The following SAMMSON variants were observed in gnomAD, a reference collection of about 807,000 sequenced individuals.
SAMMSON encodes survival associated mitochondrial melanoma specific oncogenic non-coding RNA.
At chr3:70,214,013 G>A (rs2106731309) in intron 4 of SAMMSON, among the ~76,000 whole-genome samples, 1 of 152,180 alleles carries the variant, frequency 6.6e-6, no homozygotes, top group Non-Finnish European at 1.5e-5. Flanking sequence ...TTCTTTGAAA[G>A]CTGGGTAATA....
intron 4 of SAMMSON, among the ~76,000 whole-genome samples, chr3:70,073,767 A>G (rs1033901023): frequency 1.3e-5 from 2 of 152,196 alleles, no homozygotes; most frequent in East Asian, 1.9e-4. Context: ...AAAGAGCAGC[A>G]TATTATAAGT....
At chr3:70,264,867 C>T (rs1701901294) in intron 6 of SAMMSON, among the ~76,000 whole-genome samples, 1 of 152,026 alleles carries the variant, frequency 6.6e-6, no homozygotes, top group African/African-American at 2.4e-5. Flanking sequence ...AAAGACATAC[C>T]ATAGACTGGG....
intron 4 of SAMMSON, among the ~76,000 whole-genome samples, chr3:70,090,103 G>C (rs1223283765): frequency 6.6e-6 from 1 of 152,078 alleles, no homozygotes; most frequent in African/African-American, 2.4e-5. Context: ...ATGTAAAAAG[G>C]TAAAGGGAGG....
chr3:70,246,008 C>T (rs190307163), intron 4 of SAMMSON, among the ~76,000 whole-genome samples: 1 of 151,194 alleles, frequency 6.6e-6, no homozygotes, highest in African/African-American at 2.4e-5. Context: ...ATTTATATAA[C>T]AATAACTTGC....
chr3:70,058,451 G>T (rs2067175683), intron 3 of SAMMSON, among the ~76,000 whole-genome samples: 1 of 151,962 alleles, frequency 6.6e-6, no homozygotes, highest in Non-Finnish European at 1.5e-5. Flanking sequence ...ATTCAAAGGG[G>T]TTTCATGAAG....
At chr3:70,015,089 G>A (rs1465961561) in intron 3 of SAMMSON, 1 of 152,156 alleles carries the variant, frequency 6.6e-6, no homozygotes, top group Admixed American at 6.5e-5. Flanking sequence ...GACCATCTTG[G>A]CCAACACGGT....
rs144699994 is a variant in SAMMSON, at chr3:70,214,399, G to C, written n.508-34708G>C. Among the ~76,000 whole-genome samples, 1,424 of 152,148 alleles carry C rather than the reference G, an allele frequency of 9.4e-3. 20 individuals carry two copies. Among genetic ancestry groups the C allele is most frequent in the African/African-American group, 0.032 (1,345 of 41,524 alleles). On this transcript the variant is annotated intron_variant and non_coding_transcript_variant, in intron 4 of 9. Transcript: ENST00000642114. ...GGGCTACGACAAGAGGACATTTTAA[G>C]CCTTTTCAATCAGGCTTGGTAAATC...
intron 7 of SAMMSON, among the ~76,000 whole-genome samples, chr3:70,351,855 G>A (rs1257201601): frequency 6.6e-6 from 1 of 151,950 alleles, no homozygotes; most frequent in African/African-American, 2.4e-5. Flanking sequence ...AACAGCAAAG[G>A]CCCCTTGGGG....
Position 70,420,414 on chromosome 3 carries a change from G to A in SAMMSON, n.234-42146G>A, listed in dbSNP as rs568254220. 2.6e-5 allele frequency among the ~76,000 whole-genome samples: 4 copies of A among 152,246 alleles called. No individual in the cohort carries two copies. In the East Asian group the frequency reaches 7.7e-4, roughly 29 times the overall value. On this transcript the variant is annotated intron_variant and non_coding_transcript_variant, in intron 2 of 3. Transcript: ENST00000641053. ...ATATGATTCTGCTCTGAATAAAATG[G>A]GGAAAGTGACTGTCTCATAGTGTCT...
At chr3:70,402,295 T>C (rs1701146871) in intron 2 of SAMMSON, among the ~76,000 whole-genome samples, 1 of 152,168 alleles carries the variant, frequency 6.6e-6, no homozygotes, top group Admixed American at 6.6e-5. Flanking sequence ...CTTCCATAAA[T>C]TGAGTGGTTC....
chr3:70,389,110 T>C (rs1048439742), intron 9 of SAMMSON, among the ~76,000 whole-genome samples: 3 of 152,062 alleles, frequency 2.0e-5, no homozygotes, highest in Admixed American at 2.0e-4. Flanking sequence ...TTCTGTTTCT[T>C]CCATGAGTTG....
intron 3 of SAMMSON, among the ~76,000 whole-genome samples, chr3:70,040,534 C>G (rs1420932382): frequency 6.6e-6 from 1 of 152,132 alleles, no homozygotes; most frequent in African/African-American, 2.4e-5. Flanking sequence ...ATTCTAGAAG[C>G]TTTGTGACTT....
intron 4 of SAMMSON, among the ~76,000 whole-genome samples, chr3:70,225,699 C>G (rs1701497926): frequency 6.6e-6 from 1 of 152,264 alleles, no homozygotes; most frequent in South Asian, 2.1e-4. Context: ...TTCTTGAACA[C>G]CCCCAAAATG....
At chr3:70,045,043 A>C in intron 3 of SAMMSON, among the ~76,000 whole-genome samples, 1 of 121,926 alleles carries the variant, frequency 8.2e-6, no homozygotes, top group Non-Finnish European at 1.6e-5. Context: ...ATTATAATTA[A>C]TATATATAAT....
intron 6 of SAMMSON, among the ~76,000 whole-genome samples, chr3:70,267,575 T>A (rs866508922): frequency 2.3e-5 from 2 of 88,616 alleles, no homozygotes; most frequent in Non-Finnish European, 4.6e-5. Context: ...GCTAATTTTT[T>A]GTATTTTTTT....
chr3:70,147,336 A>G (rs1416524703), intron 4 of SAMMSON, among the ~76,000 whole-genome samples: 1 of 152,034 alleles, frequency 6.6e-6, no homozygotes, highest in Non-Finnish European at 1.5e-5. Context: ...TTTTTATGAA[A>G]AGACAAGAGA....
chr3:70,128,081 A>G (rs1352310224), intron 4 of SAMMSON, among the ~76,000 whole-genome samples: 2 of 152,194 alleles, frequency 1.3e-5, no homozygotes, highest in Non-Finnish European at 2.9e-5. Flanking sequence ...AGTATGTAGG[A>G]TCAAAGGAAA....
At chr3:70,225,265 C>A (rs908904810) in intron 4 of SAMMSON, among the ~76,000 whole-genome samples, 1 of 152,076 alleles carries the variant, frequency 6.6e-6, no homozygotes, top group African/African-American at 2.4e-5. Flanking sequence ...AACTTTTCCC[C>A]AGATTTTCTT....
intron 7 of SAMMSON, among the ~76,000 whole-genome samples, chr3:70,347,358 C>A (rs574728752): frequency 6.6e-6 from 1 of 152,184 alleles, no homozygotes; most frequent in African/African-American, 2.4e-5. Flanking sequence ...TAGAAATAAA[C>A]AAACTTGGCT....
Sources: gnomAD v4.1 joint callset for allele counts (sites outside exome capture counted in the v4.1 genomes callset) on GRCh38, gnomAD v4.1.1 for gene constraint, MANE v1.5 for transcripts, NCBI Gene and HGNC (gene_info 2026-07-23, HGNC 2026-07-21) for gene names.